The following SETDB1 variants were observed in gnomAD, a reference collection of about 807,000 sequenced individuals.
SETDB1 encodes the protein SET domain bifurcated histone lysine methyltransferase 1.
In SETDB1, 31 loss-of-function variants were observed where a neutral mutation model predicts 137.4. The observed-to-expected ratio is 0.23, with a 90% CI of 0.17 to 0.30. The LOEUF (loss-of-function observed/expected upper bound fraction) is 0.30, where lower values mean the gene tolerates loss of function less well. Ranked by LOEUF, SETDB1 falls within the 10% of genes least tolerant of loss-of-function variation. SETDB1 has a pLI of 1.00. For synonymous variants in SETDB1, 548 were observed against 579.9 expected, an observed-to-expected ratio of 0.95 and a Z score of 0.79; for missense variants, 1,113 against 1,631.5, an observed-to-expected ratio of 0.68 and a Z score of 5.47.
chr1:150,930,092 A>G lies in SETDB1; in HGVS notation c.386A>G (p.Asp129Gly), dbSNP rs781212987. The G allele has an allele frequency of 6.2e-7, 1 of 1,614,054 alleles. No homozygotes were observed. The change falls in exon 3 of 22, where the codon GAT (aspartate) becomes GGT (glycine). Residue 129 changes from aspartate (D) to glycine (G), a missense_variant. This residue lies in a region of SETDB1 where 159 missense variants were observed against 188.6 expected (regional missense o/e 0.84). Coordinates refer to ENST00000692827, the MANE Select transcript of SETDB1 (RefSeq NM_001366418.1). ...PTEIIEIPDEDDDVLSIDSGD... is the reference protein window; with the variant it reads ...PTEIIEIPDEGDDVLSIDSGD... ...GAAATAATTGAGATTCCTGATGAAG[A>G]TGATGATGTCCTCAGTATTGATTCA...
intron 3 of SETDB1, among the ~76,000 whole-genome samples, chr1:150,939,382 C>T (rs894862116): frequency 6.6e-6 from 1 of 151,562 alleles, no homozygotes; most frequent in Non-Finnish European, 1.5e-5. Context: ...GGCTGGAGTG[C>T]AGTGGTGCAG....
At chr1:150,959,631 ATGT>A (rs1202884709) in intron 15 of SETDB1, among the ~76,000 whole-genome samples, 2 of 152,204 alleles carry the variant, frequency 1.3e-5, no homozygotes, top group Non-Finnish European at 2.9e-5. Flanking sequence ...ATTTTCTCCC[ATGT>A]CACTCCACTC....
Position 150,963,158 on chromosome 1 carries a change from GGGAAT to G in SETDB1, c.3460+22_3460+26del. On this transcript the variant is annotated intron_variant, in intron 19 of 21. Coordinates refer to ENST00000692827, the MANE Select transcript of SETDB1 (RefSeq NM_001366418.1). Reference sequence around the variant, plus strand: ...ATGACTGGTAGCCTGGAAAAATTTTGGGAATGGTGGGAAGAAATAGTAAGAAACTT... The same window carrying G: ...ATGACTGGTAGCCTGGAAAAATTTTGGGTGGGAAGAAATAGTAAGAAACTT... The G allele has an allele frequency of 4.4e-6, 7 of 1,599,258 alleles. No homozygotes were observed. The highest frequency in any genetic ancestry group is 6.0e-6 in the Non-Finnish European group (7 of 1,169,490).
chr1:150,930,700 G>A (rs1669705783), intron 3 of SETDB1, among the ~76,000 whole-genome samples: 1 of 151,134 alleles, frequency 6.6e-6, no homozygotes, highest in South Asian at 2.1e-4. Context: ...ACCACACCCA[G>A]CTAATTTTTG....
At chr1:150,937,055 G>T (rs1046724424) in intron 3 of SETDB1, among the ~76,000 whole-genome samples, 5 of 152,106 alleles carry the variant, frequency 3.3e-5, no homozygotes, top group Admixed American at 6.6e-5. Context: ...AACCCGGGAG[G>T]CGGAGGTTGC....
Position 150,927,958 on chromosome 1 carries a change from T to C in SETDB1, c.244T>C (p.Phe82Leu), listed in dbSNP as rs781553264. ...TGAGGTGGCTCACGTTGACCAACTC[T>C]TTGATGATGCATCCAGGTGAGAACT... The part of the protein sequence containing the change: ...ESEVAHVDQL[F>L]DDASRAVTNC... Residue 82 changes from phenylalanine (F) to leucine (L), a missense_variant, in exon 2 of 22, where the codon TTT becomes CTT. Transcript: ENST00000692827. 3 of 1,614,194 alleles carry C rather than the reference T, an allele frequency of 1.9e-6. No individual in the cohort carries two copies. The South Asian group carries it at 3.3e-5, about 18-fold the overall frequency.
intron 3 of SETDB1, among the ~76,000 whole-genome samples, chr1:150,931,636 T>A (rs796076892): frequency 2.1e-4 from 13 of 61,128 alleles, no homozygotes; most frequent in South Asian, 6.1e-4. Flanking sequence ...AAATAAAAAA[T>A]AAAAAAAATA....
intron 5 of SETDB1, among the ~76,000 whole-genome samples, chr1:150,941,994 GC>G (rs1670176152): frequency 6.6e-6 from 1 of 151,738 alleles, no homozygotes; most frequent in Non-Finnish European, 1.5e-5. Context: ...ACAAAAATTA[GC>G]CAGGCGTGGT....
intron 16 of SETDB1, 133 bp from the exon 17 acceptor site, chr1:150,961,997 G>T (rs1558027756): frequency 9.4e-6 from 10 of 1,065,164 alleles, no homozygotes; most frequent in African/African-American, 1.6e-5. Context: ...TTGCAGAGTG[G>T]TTTACCCACC....
chr1:150,963,073 G>GA lies in SETDB1; in HGVS notation c.3395dup (p.Asp1132GlufsTer2). 1 of 1,614,218 alleles carries GA rather than the reference G, an allele frequency of 6.2e-7. No homozygotes were observed. Among genetic ancestry groups the GA allele is most frequent in the Non-Finnish European group, 8.5e-7 (1 of 1,180,040 alleles). On this transcript the variant is annotated frameshift_variant, in exon 19 of 22. Coordinates refer to ENST00000692827, the MANE Select transcript of SETDB1 (RefSeq NM_001366418.1). LOFTEE classifies it high-confidence loss of function. Reference sequence around the variant, plus strand: ...GACTTCGGCTACAGCGGTTGACAGTGATGATATCCAGACCATATCCTCTGG... The same window carrying GA: ...GACTTCGGCTACAGCGGTTGACAGTGAATGATATCCAGACCATATCCTCTGG...
intron 9 of SETDB1, among the ~76,000 whole-genome samples, chr1:150,946,613 T>G (rs1323535184): frequency 2.6e-5 from 4 of 151,914 alleles, no homozygotes; most frequent in African/African-American, 7.3e-5. Flanking sequence ...CACACCCGGC[T>G]AATTTTGTAT....
chr1:150,944,843 G>A (rs1670275054), intron 8 of SETDB1, 75 bp from the exon 9 acceptor site: 1 of 1,514,604 alleles, frequency 6.6e-7, no homozygotes, highest in Non-Finnish European at 9.0e-7. Context: ...AGTATCAAAT[G>A]TCTCCTGGCC....
At chr1:150,935,459 C>CTTTCTGGGAT (rs1553239043) in intron 3 of SETDB1, among the ~76,000 whole-genome samples, 2 of 151,804 alleles carry the variant, frequency 1.3e-5, no homozygotes, top group Non-Finnish European at 2.9e-5. Context: ...TCTCTCCCTG[C>CTTTCTGGGAT]TTTCTGGGAT....
intron 14 of SETDB1, among the ~76,000 whole-genome samples, chr1:150,953,328 C>G (rs758139019): frequency 6.6e-6 from 1 of 152,112 alleles, no homozygotes; most frequent in Non-Finnish European, 1.5e-5. Context: ...AGTTCAAGAC[C>G]AGCCTGGCCA....
chr1:150,957,237 A>G (rs1670670284), intron 14 of SETDB1, among the ~76,000 whole-genome samples: 1 of 152,094 alleles, frequency 6.6e-6, no homozygotes, highest in Admixed American at 6.6e-5. Flanking sequence ...GTATGATGGC[A>G]TGCACCTATA....
intron 2 of SETDB1, among the ~76,000 whole-genome samples, chr1:150,928,989 A>G (rs932859255): frequency 2.6e-5 from 4 of 152,130 alleles, no homozygotes; most frequent in Non-Finnish European, 4.4e-5. Flanking sequence ...AATCCAGTCT[A>G]TCATTGATGG....
rs1670121530 is a variant in SETDB1, at chr1:150,940,906, G to GCAGGT, written c.448-423_448-422insCAGGT. Among the ~76,000 whole-genome samples the GCAGGT allele has an allele frequency of 2.0e-5, 3 of 151,948 alleles. No individual in the cohort carries two copies. In the South Asian group the frequency reaches 6.2e-4, roughly 31 times the overall value. ...CCAGCTGCTTTGGAGGTTGAGACAG[G>GCAGGT]TGAATCGCTTGAACCCGAGAGGCAG... On this transcript the variant is annotated intron_variant, in intron 4 of 21. Coordinates refer to ENST00000692827, the MANE Select transcript of SETDB1 (RefSeq NM_001366418.1).
At chr1:150,962,896 A>G in intron 18 of SETDB1, 78 bp from the exon 19 acceptor site, 8 of 1,551,368 alleles carry the variant, frequency 5.2e-6, no homozygotes, top group Non-Finnish European at 7.0e-6. Flanking sequence ...CTTTCCTGCC[A>G]AACCGTGGGT....
chr1:150,954,849 G>A (rs1284879154), intron 14 of SETDB1, among the ~76,000 whole-genome samples: 1 of 152,136 alleles, frequency 6.6e-6, no homozygotes, highest in African/African-American at 2.4e-5. Flanking sequence ...TTCTCAGAAA[G>A]TTTCTGGAAA....
Sources: gnomAD v4.1 joint callset for allele counts (sites outside exome capture counted in the v4.1 genomes callset) on GRCh38, gnomAD v4.1.1 for gene constraint, gnomAD v4.1.1 regional missense constraint, MANE v1.5 for transcripts, NCBI Gene and HGNC (gene_info 2026-07-23, HGNC 2026-07-21) for gene names.